Variants in PDE4D observed in about 807,000 individuals in gnomAD.
PDE4D encodes 3',5'-cyclic-AMP phosphodiesterase 4D.
In PDE4D, 24 loss-of-function variants were observed where a neutral mutation model predicts 87.4. The observed-to-expected ratio is 0.27, with a 90% CI of 0.20 to 0.39. PDE4D has a LOEUF of 0.39. PDE4D is among the 10% of genes least tolerant of loss of function. PDE4D has a pLI of 1.00. For missense variants in PDE4D, 714 were observed against 1,041.0 expected (o/e 0.69, Z 4.32); for synonymous variants, 384 against 383.2 (o/e 1.00, Z -0.02).
chr5:60,075,226 ATTTG>A (rs1328199808), intron 2 of PDE4D, among the ~76,000 whole-genome samples: 1 of 152,124 alleles, frequency 6.6e-6, no homozygotes, highest in Admixed American at 6.6e-5. Flanking sequence ...TTCCCTCAGC[ATTTG>A]TTTGTCTGAA....
At chr5:59,799,452 T>C (rs1381580299) in intron 1 of PDE4D, among the ~76,000 whole-genome samples, 2 of 152,300 alleles carry the variant, frequency 1.3e-5, no homozygotes, top group Middle Eastern at 3.4e-3. Flanking sequence ...TCATTTTTTA[T>C]TGGGTGTGTA....
At position 59,681,807 on chromosome 5, in the gene PDE4D, G is replaced by A. The variant is rs1245478519; in HGVS notation, c.455+211361C>T. Among the ~76,000 whole-genome samples, 4 of 150,558 alleles carry A rather than the reference G, an allele frequency of 2.7e-5. No homozygotes were observed. The East Asian group carries it at 5.9e-4, about 22-fold the overall frequency. Reference sequence around the variant, plus strand: ...AGTCCCAGCTACTCGGGAAACTGAGGCAGGAGAATGGCGAACCCGGGAGGT... The same window carrying A: ...AGTCCCAGCTACTCGGGAAACTGAGACAGGAGAATGGCGAACCCGGGAGGT... On this transcript the variant is annotated intron_variant, in intron 1 of 14. Transcript: ENST00000340635.
rs563823222 is a variant in PDE4D at position 59,869,078 on chromosome 5, A to T, written c.455+24090T>A. On this transcript the variant is annotated intron_variant, in intron 1 of 14. Coordinates refer to ENST00000340635, the MANE Select transcript of PDE4D (RefSeq NM_001104631.2). ...ATTTATTGTGCTCTGGGTTGATGAT[A>T]GAGTGGTCAGAAAAACAAGCCTGCA... 1.3e-3 allele frequency among the ~76,000 whole-genome samples: 204 copies of T among 152,328 alleles called. 1 individual carries two copies. Among genetic ancestry groups the T allele is most frequent in the African/African-American group, 4.8e-3 (198 of 41,572 alleles).
At chr5:59,587,114 G>A (rs762247319) in intron 1 of PDE4D, 17 of 508,924 alleles carry the variant, frequency 3.3e-5, no homozygotes, top group Non-Finnish European at 4.1e-5. Context: ...ATGCTGTCAC[G>A]ATGAAATTCA....
Position 60,036,296 on chromosome 5 carries a change from G to A in PDE4D, c.43-47579C>T, listed in dbSNP as rs927388579. On this transcript the variant is annotated intron_variant, in intron 2 of 16. Coordinates refer to the PDE4D transcript ENST00000502484. ...GCAGACACACTTGTACAGCTACACA[G>A]CACATAATAGTGTAAGGACCCACCA... Among the ~76,000 whole-genome samples, 10 of 152,166 alleles carry A rather than the reference G, an allele frequency of 6.6e-5. 1 individual carries two copies. The highest frequency in any genetic ancestry group is 5.9e-4 in the Admixed American group (9 of 15,284).
chr5:59,827,645 C>A (rs1191924905), intron 1 of PDE4D, among the ~76,000 whole-genome samples: 1 of 151,924 alleles, frequency 6.6e-6, no homozygotes, highest in East Asian at 1.9e-4. Flanking sequence ...AAGAGAAGAC[C>A]AGGGACAGAA....
intron 5 of PDE4D, among the ~76,000 whole-genome samples, chr5:59,155,236 A>C (rs1051370078): frequency 1.3e-5 from 2 of 152,222 alleles, no homozygotes; most frequent in African/African-American, 4.8e-5. Context: ...TAGAATACTC[A>C]CATTTAAGAG....
At chr5:59,305,019 G>A (rs1771043421) in intron 1 of PDE4D, among the ~76,000 whole-genome samples, 1 of 152,024 alleles carries the variant, frequency 6.6e-6, no homozygotes, top group African/African-American at 2.4e-5. Flanking sequence ...AATCTGTCGG[G>A]TCTTGGACTT....
intron 2 of PDE4D, among the ~76,000 whole-genome samples, chr5:60,090,237 A>G (rs188719178): frequency 4.1e-4 from 63 of 152,278 alleles, no homozygotes; most frequent in African/African-American, 1.4e-3. Context: ...AAATAGGAAA[A>G]CTACAGGTCA....
intron 1 of PDE4D, among the ~76,000 whole-genome samples, chr5:59,856,607 T>C (rs256355): frequency 0.13 from 19,286 of 152,216 alleles, 1,586 homozygotes; most frequent in Middle Eastern, 0.23. Context: ...TCTGAGACCT[T>C]TTCCTCTCAT....
chr5:59,597,457 G>A (rs752054039), intron 1 of PDE4D, among the ~76,000 whole-genome samples: 4 of 151,536 alleles, frequency 2.6e-5, no homozygotes, highest in Non-Finnish European at 4.4e-5. Flanking sequence ...TCATTTTCTC[G>A]AACCCCTTTT....
At chr5:60,234,016 T>G (rs1049694042) in intron 1 of PDE4D, among the ~76,000 whole-genome samples, 1 of 151,840 alleles carries the variant, frequency 6.6e-6, no homozygotes, top group Non-Finnish European at 1.5e-5. Flanking sequence ...TACAATTCAG[T>G]CGTTTCTACA....
At chr5:59,712,732 C>T (rs1236021510) in intron 1 of PDE4D, among the ~76,000 whole-genome samples, 1 of 151,876 alleles carries the variant, frequency 6.6e-6, no homozygotes, top group Non-Finnish European at 1.5e-5. Context: ...AAATTAATTT[C>T]ATAATTACTG....
chr5:60,412,669 T>C (rs541093923), intron 1 of PDE4D, among the ~76,000 whole-genome samples: 3 of 152,334 alleles, frequency 2.0e-5, no homozygotes, highest in African/African-American at 7.2e-5. Flanking sequence ...CTCCTTATGT[T>C]TCCAATGATG....
At chr5:59,509,726 A>T (rs952615522) in intron 1 of PDE4D, among the ~76,000 whole-genome samples, 8 of 150,678 alleles carry the variant, frequency 5.3e-5, no homozygotes, top group Middle Eastern at 3.5e-3. Context: ...GGAGGAAATC[A>T]CTTTGATCTA....
At chr5:59,792,430 G>GTGTGTGTGTGTGTT (rs1421212702) in intron 1 of PDE4D, among the ~76,000 whole-genome samples, 2 of 151,838 alleles carry the variant, frequency 1.3e-5, no homozygotes, top group Non-Finnish European at 2.9e-5. Context: ...GTGTGTGTGT[G>GTGTGTGTGTGTGTT]TGTGTGTGTT....
intron 1 of PDE4D, among the ~76,000 whole-genome samples, chr5:60,316,758 G>T (rs931884517): frequency 5.3e-5 from 8 of 152,128 alleles, no homozygotes; most frequent in African/African-American, 1.9e-4. Context: ...TATGGTTTTT[G>T]TCATTGGTTC....
chr5:59,911,030 C>A (rs1315059567), intron 3 of PDE4D, among the ~76,000 whole-genome samples: 1 of 152,224 alleles, frequency 6.6e-6, no homozygotes. Flanking sequence ...TGTCCTTATT[C>A]ATTCCTGGGC....
chr5:60,173,425 C>T (rs1783652725), intron 2 of PDE4D, among the ~76,000 whole-genome samples: 1 of 152,050 alleles, frequency 6.6e-6, no homozygotes, highest in African/African-American at 2.4e-5. Flanking sequence ...TTATTAGTCA[C>T]ATTAACACAT....
Sources: gnomAD v4.1 joint callset for allele counts (sites outside exome capture counted in the v4.1 genomes callset) on GRCh38, gnomAD v4.1.1 for gene constraint, MANE v1.5 for transcripts, NCBI Gene and HGNC (gene_info 2026-07-23, HGNC 2026-07-21) for gene names.